The following NRBP1 variants were observed in gnomAD, a reference collection of about 807,000 sequenced individuals.
NRBP1 encodes nuclear receptor-binding protein.
A neutral mutation model predicts 76.0 loss-of-function variants in NRBP1; 10 were observed. The observed-to-expected ratio is 0.13, with a 90% CI of 0.08 to 0.22. The LOEUF is 0.22. Among genes scored for constraint, NRBP1 ranks in the 10% least tolerant of loss-of-function variants. The pLI, the probability that NRBP1 is intolerant of heterozygous loss-of-function variation, is 1.00. For missense variants in NRBP1, 344 were observed against 646.0 expected (o/e 0.53, Z 5.07); for synonymous variants, 235 against 240.2 (o/e 0.98, Z 0.20).
intron 7 of NRBP1, chr2:27,435,648 G>A: frequency 1.4e-6 from 1 of 717,470 alleles, no homozygotes; most frequent in Non-Finnish European, 2.6e-6. Context: ...TTTGTCTGGG[G>A]CTTGGCTGCT....
At chr2:27,439,992 ATTCTTTTTT>A in intron 11 of NRBP1, 94 bp downstream of exon 11, 1 of 234,436 alleles carries the variant, frequency 4.3e-6, no homozygotes, top group Non-Finnish European at 7.0e-6. Flanking sequence ...TTCCAAAGGG[ATTCTTTTTT>A]TTTTTTTTTT....
chr2:27,440,484 C>G lies in NRBP1; in HGVS notation c.1118C>G (p.Pro373Arg). The change falls in exon 12 of 18, where the codon CCA (proline) becomes CGA (arginine). Residue 373 changes from proline to arginine, a missense_variant. By Grantham distance (103) the Pro-to-Arg change is moderately radical (BLOSUM62 -2). Around this residue, in one of 3 missense-constraint regions of NRBP1, gnomAD observed 218 missense variants for 309.8 expected, o/e 0.70. Coordinates refer to ENST00000379852, the MANE Select transcript of NRBP1 (RefSeq NM_013392.4). ...SAVLAEIPAG[P>R]GREPVQTLYS... ...GTACTGGCTGAAATCCCTGCAGGAC[C>G]AGGAAGAGAACCAGTTCAGACTTTG... is the stretch of plus-strand genomic sequence containing the variant. 6.2e-7 allele frequency: 1 copy of G among 1,613,986 alleles called. No homozygotes were observed. Among genetic ancestry groups the G allele is most frequent in the Non-Finnish European group, 8.5e-7 (1 of 1,179,924 alleles).
intron 11 of NRBP1, 34 bp downstream of exon 11, chr2:27,439,932 C>A: frequency 6.4e-7 from 1 of 1,557,316 alleles, no homozygotes; most frequent in Non-Finnish European, 8.7e-7. Context: ...GAATAGTCTT[C>A]CAATCTGGAG....
chr2:27,439,214 G>A (rs1403477843), intron 10 of NRBP1, among the ~76,000 whole-genome samples: 5 of 152,032 alleles, frequency 3.3e-5, no homozygotes, highest in African/African-American at 4.8e-5. Flanking sequence ...GGGGCCGGGC[G>A]CGGTGTCTCA....
chr2:27,428,524 C>G (rs1663952947), upstream of NRBP1: 1 of 395,642 alleles, frequency 2.5e-6, no homozygotes, highest in East Asian at 3.6e-5. Context: ...AGCGAACGCC[C>G]GAGGGCCGGG....
Position 27,439,805 on chromosome 2 carries a change from A to C in NRBP1, c.943A>C (p.Arg315=). The C allele has an allele frequency of 1.2e-6, 2 of 1,614,126 alleles. No homozygotes were observed. The highest frequency in any genetic ancestry group is 1.7e-6 in the Non-Finnish European group (2 of 1,180,018). The change falls in exon 11 of 18, where the codon AGA becomes CGA. Residue 315 remains arginine (R), a synonymous_variant. Coordinates refer to ENST00000379852, the MANE Select transcript of NRBP1 (RefSeq NM_013392.4). ...QKCLQSEPAR[R]PTARELLFHP... ...GTGCCTGCAGTCTGAGCCTGCTCGCAGACCAACAGCCAGAGAACTTCTGTT... is the reference window on the plus strand; with the variant it reads ...GTGCCTGCAGTCTGAGCCTGCTCGCCGACCAACAGCCAGAGAACTTCTGTT...
Position 27,437,098 on chromosome 2 carries a change from C to T in NRBP1, c.797C>T (p.Ala266Val), listed in dbSNP as rs1664336463. The change falls in exon 9 of 18, where the codon GCA (alanine) becomes GTA (valine). Residue 266 changes from alanine to valine, a missense_variant. Coordinates refer to ENST00000379852, the MANE Select transcript of NRBP1 (RefSeq NM_013392.4). The part of the protein sequence containing the change: ...AVDIYSFGMC[A>V]LEMAVLEIQG... ...GACATCTACTCCTTTGGCATGTGTG[C>T]ACTGGAGGTGAGGGGACTGGAGGGG... The T allele has an allele frequency of 6.2e-7, 1 of 1,612,836 alleles. No individual in the cohort carries two copies. Among genetic ancestry groups the T allele is most frequent in the East Asian group, 2.2e-5 (1 of 44,852 alleles).
intron 1 of NRBP1, among the ~76,000 whole-genome samples, chr2:27,430,101 C>T (rs947024164): frequency 3.3e-5 from 5 of 152,172 alleles, no homozygotes; most frequent in African/African-American, 1.2e-4. Flanking sequence ...AATCCCTCTC[C>T]AGCGATCCTC....
At chr2:27,435,481 G>T in intron 7 of NRBP1, 1 of 606,738 alleles carries the variant, frequency 1.6e-6, no homozygotes. Context: ...CTGGGAAAGG[G>T]CAAGAGATAG....
chr2:27,439,410 G>A (rs537365791), intron 10 of NRBP1, among the ~76,000 whole-genome samples: 1 of 151,260 alleles, frequency 6.6e-6, no homozygotes, highest in African/African-American at 2.4e-5. Context: ...GCGTGAACCC[G>A]GTAGGCAGAG....
intron 14 of NRBP1, 84 bp downstream of exon 14, chr2:27,441,024 A>G: frequency 6.2e-7 from 1 of 1,608,912 alleles, no homozygotes; most frequent in East Asian, 2.2e-5. Flanking sequence ...TATCCTTTAG[A>G]GAAAATGCTC....
At chr2:27,428,589 C>G (rs1663957105), upstream of NRBP1, 1 of 397,530 alleles carries the variant, frequency 2.5e-6, no homozygotes, top group South Asian at 1.3e-4. Context: ...GCGGCACCGC[C>G]CATCGTTGGT....
At chr2:27,434,849 T>C (rs1664245480) in intron 6 of NRBP1, 87 bp downstream of exon 6, 2 of 1,347,116 alleles carry the variant, frequency 1.5e-6, no homozygotes, top group East Asian at 4.6e-5. Flanking sequence ...TCTGTTCTAT[T>C]CTGCCTCTCC....
rs70953859 is a variant in NRBP1, at chr2:27,439,995, CTTTTTTTTTTTTTT to C, written c.1036+120_1036+133del. 393 of 459,702 alleles carry C rather than the reference CTTTTTTTTTTTTTT, an allele frequency of 8.5e-4. 1 individual carries two copies. The highest frequency in any genetic ancestry group is 4.2e-3 in the East Asian group (40 of 9,632). The allele number at this position is 459,702 out of a possible 1,614,324, so 28.5% of individuals were successfully genotyped here. ...TTTCCTCTTTATTTCCAAAGGGATTCTTTTTTTTTTTTTTTTTTTTTTTTTTTTTTTTTTTTGAG... is the reference window on the plus strand; with the variant it reads ...TTTCCTCTTTATTTCCAAAGGGATTCTTTTTTTTTTTTTTTTTTTTTTGAG... On this transcript the variant is annotated intron_variant, in intron 11 of 17. Transcript: ENST00000379852.
Position 27,440,797 on chromosome 2 carries a change from C to G in NRBP1, c.1194-8C>G. The G allele has an allele frequency of 6.2e-7, 1 of 1,614,096 alleles. No homozygotes were observed. Among genetic ancestry groups the G allele is most frequent in the Non-Finnish European group, 8.5e-7 (1 of 1,180,024 alleles). ...GAGCCCATGTGACCTGTCTTCATCT[C>G]CCTCCAGGAATGGGATCTATCCTCT... is the stretch of plus-strand genomic sequence containing the variant. On this transcript the variant is annotated splice_region_variant and splice_polypyrimidine_tract_variant and intron_variant, in intron 13 of 17. Coordinates refer to ENST00000379852, the MANE Select transcript of NRBP1 (RefSeq NM_013392.4).
At chr2:27,428,590 C>CA, upstream of NRBP1, 1 of 397,584 alleles carries the variant, frequency 2.5e-6, no homozygotes, top group African/African-American at 2.1e-5. Context: ...CGGCACCGCC[C>CA]ATCGTTGGTC....
At chr2:27,435,883 G>A (rs1201357376) in intron 7 of NRBP1, 8 of 686,890 alleles carry the variant, frequency 1.2e-5, no homozygotes, top group African/African-American at 3.5e-5. Flanking sequence ...CTTAGCTTCT[G>A]CCCTGCCAGC....
At chr2:27,434,915 G>T in intron 6 of NRBP1, 153 bp downstream of exon 6, 1 of 796,636 alleles carries the variant, frequency 1.3e-6, no homozygotes, top group Non-Finnish European at 2.1e-6. Context: ...GTCTTTTAAA[G>T]GGTGCGTCCT....
At chr2:27,438,936 T>C (rs1040843906) in intron 10 of NRBP1, among the ~76,000 whole-genome samples, 1 of 151,540 alleles carries the variant, frequency 6.6e-6, no homozygotes, top group African/African-American at 2.4e-5. Context: ...TCCAGCCTGG[T>C]TGGCACAGCA....
Sources: gnomAD v4.1 joint callset for allele counts (sites outside exome capture counted in the v4.1 genomes callset) on GRCh38, gnomAD v4.1.1 for gene constraint, gnomAD v4.1.1 regional missense constraint, MANE v1.5 for transcripts, NCBI Gene and HGNC (gene_info 2026-07-23, HGNC 2026-07-21) for gene names.